Variants in KCNK3 observed in about 807,000 individuals in gnomAD.
The protein encoded by KCNK3 is potassium two pore domain channel subfamily K member 3.
A neutral mutation model predicts 27.3 loss-of-function variants in KCNK3; 9 were observed. The observed-to-expected ratio is 0.33, with a 90% confidence interval of 0.20 to 0.57. KCNK3 has a LOEUF of 0.57. Ranked by LOEUF, KCNK3 falls within the 20% of genes least tolerant of loss-of-function variation. KCNK3 has a pLI of 0.87. For synonymous variants in KCNK3, 278 were observed against 273.8 expected (o/e 1.02, Z -0.15); for missense variants, 391 against 577.7 (o/e 0.68, Z 3.31).
At chr2:26,708,399 CG>C (rs1218804956) in intron 1 of KCNK3, among the ~76,000 whole-genome samples, 2 of 152,124 alleles carry the variant, frequency 1.3e-5, no homozygotes, top group Non-Finnish European at 2.9e-5. Flanking sequence ...TTTGGCTGGG[CG>C]CGGTGGCTCA....
chr2:26,702,707 C>T (rs1302241028), intron 1 of KCNK3, among the ~76,000 whole-genome samples: 2 of 152,122 alleles, frequency 1.3e-5, no homozygotes, highest in African/African-American at 4.8e-5. Context: ...AGGGTTCCAC[C>T]ACAGAAGCAG....
intron 1 of KCNK3, among the ~76,000 whole-genome samples, chr2:26,708,655 G>C (rs963685843): frequency 1.3e-5 from 2 of 152,146 alleles, no homozygotes; most frequent in South Asian, 4.1e-4. Flanking sequence ...CTCCAGCCTG[G>C]ACAACAAGAG....
intron 1 of KCNK3, among the ~76,000 whole-genome samples, chr2:26,720,610 GC>G (rs1448652839): frequency 2.0e-5 from 3 of 152,184 alleles, no homozygotes; most frequent in African/African-American, 7.2e-5. Flanking sequence ...CAGTACTAGG[GC>G]CACCTGTGGA....
Position 26,728,203 on chromosome 2 carries a change from G to A in KCNK3, c.820G>A (p.Gly274Arg), listed in dbSNP as rs1289618388. ...GCGCAACGGGCAGGCGGGCGGCGGC[G>A]GAGGGGGTGGCAGCGCGCACACTAC... is the stretch of plus-strand genomic sequence containing the variant. Reference protein sequence around the residue: ...LTRNGQAGGGGGGGSAHTTDT... With the variant: ...LTRNGQAGGGRGGGSAHTTDT... The change falls in exon 2 of 2, where the codon GGA (glycine) becomes AGA (arginine). Residue 274 changes from glycine (G) to arginine (R), a missense_variant. Transcript: ENST00000302909. 1 of 1,562,500 alleles carries A rather than the reference G, an allele frequency of 6.4e-7. No individual in the cohort carries two copies. Among genetic ancestry groups the A allele is most frequent in the Non-Finnish European group, 8.7e-7 (1 of 1,153,860 alleles).
Position 26,692,758 on chromosome 2 carries a change from C to G in KCNK3, c.-118C>G, listed in dbSNP as rs1670185190. 4.1e-6 allele frequency: 2 copies of G among 490,918 alleles called. No homozygotes were observed. The highest frequency in any genetic ancestry group is 5.3e-6 in the Non-Finnish European group (2 of 380,446). The allele number at this position is 490,918 out of a possible 1,614,324, so 30.4% of individuals were successfully genotyped here. ...CCCCGGGCGCTGAGCGGGTGCCCGG[C>G]GCGGAGAGCGGCGAGCGCAGCCATG... On this transcript the variant is annotated 5_prime_UTR_variant, in exon 1 of 2. Coordinates refer to ENST00000302909, the MANE Select transcript of KCNK3 (RefSeq NM_002246.3). This position sits in a 1 kb window ranked among gnomAD's most constrained non-coding sequence, Gnocchi z 5.6.
intron 1 of KCNK3, among the ~76,000 whole-genome samples, chr2:26,702,928 C>T (rs1245859421): frequency 6.6e-6 from 1 of 152,022 alleles, no homozygotes; most frequent in Non-Finnish European, 1.5e-5. Flanking sequence ...CCAGCCTGGC[C>T]AACATGGTGA....
At chr2:26,704,758 G>A (rs1178272751) in intron 1 of KCNK3, among the ~76,000 whole-genome samples, 3 of 152,210 alleles carry the variant, frequency 2.0e-5, no homozygotes, top group Non-Finnish European at 2.9e-5. Flanking sequence ...GCAAGCCTCC[G>A]ATCAACGCAA....
chr2:26,724,349 C>A (rs1572614174), intron 1 of KCNK3: 1 of 152,500 alleles, frequency 6.6e-6, no homozygotes, highest in East Asian at 1.9e-4. Flanking sequence ...GTGAAATGCT[C>A]TCCTCCCAAG....
chr2:26,712,907 A>G (rs764832716), intron 1 of KCNK3, among the ~76,000 whole-genome samples: 5 of 152,064 alleles, frequency 3.3e-5, no homozygotes, highest in South Asian at 2.1e-4. Flanking sequence ...CTCCTTTCAC[A>G]TCTCCTGGCA....
chr2:26,710,566 CACAG>C (rs1282777359), intron 1 of KCNK3, among the ~76,000 whole-genome samples: 1 of 152,184 alleles, frequency 6.6e-6, no homozygotes, highest in Non-Finnish European at 1.5e-5. Context: ...GTGCAAGGCC[CACAG>C]ACAGTGTAGG....
At chr2:26,707,703 T>A (rs1670392909) in intron 1 of KCNK3, among the ~76,000 whole-genome samples, 1 of 152,182 alleles carries the variant, frequency 6.6e-6, no homozygotes, top group Non-Finnish European at 1.5e-5. Context: ...GAGTAGAGGC[T>A]CAGGCAGACA....
chr2:26,717,358 T>C (rs1663250506), intron 1 of KCNK3, among the ~76,000 whole-genome samples: 1 of 152,116 alleles, frequency 6.6e-6, no homozygotes, highest in East Asian at 1.9e-4. Flanking sequence ...GGCAAGGAGA[T>C]ACCAACACAC....
chr2:26,726,584 A>G (rs1044857393), intron 1 of KCNK3, among the ~76,000 whole-genome samples: 4 of 152,250 alleles, frequency 2.6e-5, no homozygotes, highest in African/African-American at 9.6e-5. Flanking sequence ...AACACACTTT[A>G]CAAATGAAGA....
At chr2:26,719,876 G>C (rs1409688902) in intron 1 of KCNK3, among the ~76,000 whole-genome samples, 1 of 152,224 alleles carries the variant, frequency 6.6e-6, no homozygotes, top group African/African-American at 2.4e-5. Context: ...GATGACATGA[G>C]GGCCCTGGAT....
Position 26,699,366 on chromosome 2 carries a change from C to T in KCNK3, c.283+6208C>T, listed in dbSNP as rs772046062. On this transcript the variant is annotated intron_variant, in intron 1 of 1. Coordinates refer to ENST00000302909, the MANE Select transcript of KCNK3 (RefSeq NM_002246.3). Reference sequence around the variant, plus strand: ...CTGCAGGTCCCGTTTCCACGCATTACCGTTAGGGGCTGGAGCATGGAGAGA... The same window carrying T: ...CTGCAGGTCCCGTTTCCACGCATTATCGTTAGGGGCTGGAGCATGGAGAGA... Among the ~76,000 whole-genome samples, 4 of 152,068 alleles carry T rather than the reference C, an allele frequency of 2.6e-5. 1 individual carries two copies. The highest frequency in any genetic ancestry group is 2.6e-4 in the Admixed American group (4 of 15,272).
intron 1 of KCNK3, among the ~76,000 whole-genome samples, chr2:26,726,615 G>A (rs1314689919): frequency 6.6e-6 from 1 of 152,184 alleles, no homozygotes; most frequent in Non-Finnish European, 1.5e-5. Flanking sequence ...GAGAGTGGGA[G>A]TAATTTGCCC....
At chr2:26,701,668 G>A (rs866401326) in intron 1 of KCNK3, among the ~76,000 whole-genome samples, 2 of 152,294 alleles carry the variant, frequency 1.3e-5, no homozygotes, top group Non-Finnish European at 2.9e-5. Context: ...TTTGCCTGGC[G>A]CAGTGGCTCA....
At chr2:26,724,124 G>A (rs1200183559) in intron 1 of KCNK3, among the ~76,000 whole-genome samples, 1 of 152,218 alleles carries the variant, frequency 6.6e-6, no homozygotes, top group Admixed American at 6.5e-5. Flanking sequence ...CCCTGGGAGT[G>A]GCTCCACCCA....
chr2:26,715,085 A>T (rs1391617238), intron 1 of KCNK3, among the ~76,000 whole-genome samples: 1 of 152,182 alleles, frequency 6.6e-6, no homozygotes, highest in Non-Finnish European at 1.5e-5. Context: ...TCTGGCATGC[A>T]GCATCCATTC....
Sources: gnomAD v4.1 joint callset for allele counts (sites outside exome capture counted in the v4.1 genomes callset) on GRCh38, gnomAD v4.1.1 for gene constraint, Gnocchi (gnomAD v3.1) non-coding constraint, MANE v1.5 for transcripts, NCBI Gene and HGNC (gene_info 2026-07-23, HGNC 2026-07-21) for gene names.